The following PDE10A variants were observed in gnomAD, a reference collection of about 807,000 sequenced individuals.
The protein encoded by PDE10A is phosphodiesterase 10A, also known as cAMP and cAMP-inhibited cGMP 3',5'-cyclic phosphodiesterase 10A.
PDE10A carries 39 observed loss-of-function variants against 97.7 expected under a neutral mutation model. The observed-to-expected ratio is 0.40, with a 90% CI of 0.31 to 0.52. PDE10A has a LOEUF of 0.52. PDE10A is among the 20% of genes least tolerant of loss of function. The pLI, the probability that PDE10A is intolerant of heterozygous loss-of-function variation, is 0.56. For missense variants in PDE10A, 731 were observed against 1,047.8 expected, an observed-to-expected ratio of 0.70 and a Z score of 4.17; for synonymous variants, 371 against 376.8, an observed-to-expected ratio of 0.98 and a Z score of 0.18.
chr6:165,857,681 T>C (rs1780779931), intron 1 of PDE10A, among the ~76,000 whole-genome samples: 1 of 151,062 alleles, frequency 6.6e-6, no homozygotes, highest in Admixed American at 6.6e-5. Context: ...GCCTTTGCAA[T>C]GTGATTTCAA....
intron 1 of PDE10A, among the ~76,000 whole-genome samples, chr6:165,759,459 G>A (rs1793201104): frequency 6.6e-6 from 1 of 152,126 alleles, no homozygotes; most frequent in Admixed American, 6.5e-5. Context: ...CATCAGGGTG[G>A]GCCGCCTGAT....
intron 1 of PDE10A, among the ~76,000 whole-genome samples, chr6:165,732,723 C>T (rs1310109741): frequency 6.6e-6 from 1 of 152,224 alleles, no homozygotes; most frequent in Admixed American, 6.5e-5. Context: ...TATCTGGTCC[C>T]AGCGTCACAT....
In PDE10A at chr6:165,388,698, T is replaced by G. The variant is rs1785468026; in HGVS notation, c.2455-245A>C. On this transcript the variant is annotated intron_variant, in intron 16 of 21. Transcript: ENST00000539869. This position sits in a 1 kb window ranked among gnomAD's most constrained non-coding sequence, Gnocchi z 4.0. ...AGGAATCTGATAGTCAAATTATTTT[T>G]GAGTTTCTCTCTCAACTCTAGGAAA... Among the ~76,000 whole-genome samples, 1 of 152,320 alleles carries G rather than the reference T, an allele frequency of 6.6e-6. No individual in the cohort carries two copies. Among genetic ancestry groups the G allele is most frequent in the Non-Finnish European group, 1.5e-5 (1 of 68,028 alleles).
At chr6:165,459,585 A>G (rs1228091214) in intron 3 of PDE10A, among the ~76,000 whole-genome samples, 5 of 151,704 alleles carry the variant, frequency 3.3e-5, no homozygotes, top group African/African-American at 1.2e-4. Flanking sequence ...ATAGATATAT[A>G]TATATATATA....
In PDE10A at chr6:165,793,811, A is replaced by G. The variant is rs150867482; in HGVS notation, c.-615+193718T>C. 7.9e-5 allele frequency among the ~76,000 whole-genome samples: 12 copies of G among 152,350 alleles called. No homozygotes were observed. The East Asian group carries it at 2.1e-3, about 27-fold the overall frequency. On this transcript the variant is annotated intron_variant, in intron 1 of 19. Coordinates refer to the PDE10A transcript ENST00000366882. ...CCATCTTACAAAGATTTCTGCATCA[A>G]AATTCATCGGAGGACAAGGAGATGT... is the stretch of plus-strand genomic sequence containing the variant.
intron 2 of PDE10A, among the ~76,000 whole-genome samples, chr6:165,501,639 C>T (rs543986194): frequency 5.3e-5 from 8 of 151,330 alleles, no homozygotes; most frequent in East Asian, 3.9e-4. Context: ...AGTTCAGTAA[C>T]GTCACAAAAT....
At chr6:165,868,827 A>G (rs1314140540) in intron 1 of PDE10A, among the ~76,000 whole-genome samples, 1 of 151,748 alleles carries the variant, frequency 6.6e-6, no homozygotes, top group Non-Finnish European at 1.5e-5. Flanking sequence ...CACCATGGTA[A>G]AGTGGGATTT....
chr6:165,471,215 C>T (rs1293841911), intron 3 of PDE10A, among the ~76,000 whole-genome samples: 1 of 152,050 alleles, frequency 6.6e-6, no homozygotes, highest in Non-Finnish European at 1.5e-5. Flanking sequence ...TTAAAAGAAA[C>T]ATATGCCCCT....
intron 3 of PDE10A, among the ~76,000 whole-genome samples, chr6:165,481,620 T>C (rs1386183154): frequency 6.6e-6 from 1 of 152,228 alleles, no homozygotes; most frequent in Non-Finnish European, 1.5e-5. Context: ...ATCTGTGTAA[T>C]ACAGAAAAAA....
intron 18 of PDE10A, among the ~76,000 whole-genome samples, chr6:165,377,812 C>A (rs1562399458): frequency 1.3e-5 from 2 of 152,132 alleles, no homozygotes; most frequent in Admixed American, 6.6e-5. Context: ...GACATAAAGA[C>A]TGTAGACCAC....
rs1238512064 is a variant in PDE10A at position 165,662,914 on chromosome 6, G to C, written c.-103C>G. On this transcript the variant is annotated 5_prime_UTR_variant, in exon 1 of 22. Coordinates refer to ENST00000539869, the MANE Select transcript of PDE10A (RefSeq NM_001385079.1). Reference sequence around the variant, plus strand: ...CCGCAGGACCTGCCCACCCCTGCCGGCCGCCCGAACCGCTGCCTGGTCCTC... The same window carrying C: ...CCGCAGGACCTGCCCACCCCTGCCGCCCGCCCGAACCGCTGCCTGGTCCTC... Among the ~76,000 whole-genome samples, 3 of 151,314 alleles carry C rather than the reference G, an allele frequency of 2.0e-5. No homozygotes were observed. Among genetic ancestry groups the C allele is most frequent in the Admixed American group, 2.0e-4 (3 of 15,246 alleles).
intron 1 of PDE10A, among the ~76,000 whole-genome samples, chr6:165,980,494 CA>C (rs1264157852): frequency 1.3e-5 from 2 of 152,182 alleles, no homozygotes; most frequent in Non-Finnish European, 2.9e-5. Context: ...GAATATTATA[CA>C]GGCAATGAAG....
chr6:165,976,043 T>C (rs1053021213), intron 1 of PDE10A, among the ~76,000 whole-genome samples: 44 of 152,192 alleles, frequency 2.9e-4, no homozygotes, highest in African/African-American at 1.0e-3. Context: ...TGGGAGTAAG[T>C]AGGCAAATAA....
intron 1 of PDE10A, among the ~76,000 whole-genome samples, chr6:165,767,665 TTTTG>T (rs1398351421): frequency 1.3e-5 from 2 of 152,246 alleles, no homozygotes; most frequent in African/African-American, 4.8e-5. Flanking sequence ...TATGGATATA[TTTTG>T]TTTATCTACT....
At chr6:165,443,151 C>T (rs1462236109) in intron 5 of PDE10A, among the ~76,000 whole-genome samples, 3 of 148,900 alleles carry the variant, frequency 2.0e-5, no homozygotes, top group Non-Finnish European at 4.5e-5. Context: ...AGTCTAAAGT[C>T]TCATCTGAGA....
At chr6:165,525,935 CA>C (rs1275408206) in intron 2 of PDE10A, among the ~76,000 whole-genome samples, 1 of 152,068 alleles carries the variant, frequency 6.6e-6, no homozygotes, top group African/African-American at 2.4e-5. Flanking sequence ...GTCAAATGGA[CA>C]AAAGAGTAAT....
intron 1 of PDE10A, among the ~76,000 whole-genome samples, chr6:165,942,573 C>T (rs1783565360): frequency 6.6e-6 from 1 of 152,098 alleles, no homozygotes; most frequent in Non-Finnish European, 1.5e-5. Context: ...GCCGCTCTGC[C>T]CCCGCTCTGC....
intron 1 of PDE10A, among the ~76,000 whole-genome samples, chr6:165,884,224 C>T (rs113957742): frequency 6.6e-6 from 1 of 152,224 alleles, no homozygotes; most frequent in South Asian, 2.1e-4. Flanking sequence ...TGGGAGACTG[C>T]AAAGGCAAGG....
At chr6:165,825,453 T>G (rs1358785781) in intron 1 of PDE10A, among the ~76,000 whole-genome samples, 1 of 152,166 alleles carries the variant, frequency 6.6e-6, no homozygotes, top group Non-Finnish European at 1.5e-5. Flanking sequence ...TTTAGATCCC[T>G]GAAATACGGC....
Sources: allele counts gnomAD v4.1 joint callset (sites outside exome capture counted in the v4.1 genomes callset), GRCh38; gene constraint gnomAD v4.1.1; non-coding constraint Gnocchi (gnomAD v3.1); transcripts MANE v1.5; gene names NCBI Gene and HGNC (gene_info 2026-07-23, HGNC 2026-07-21).